Variants in MCPH1 observed in about 807,000 individuals in gnomAD.
The protein encoded by MCPH1 is microcephalin.
A neutral mutation model predicts 84.5 loss-of-function variants in MCPH1; 104 were observed. That is an observed-to-expected ratio of 1.23 (90% CI 1.05 to 1.45). The LOEUF is 1.45. Ranked by LOEUF, MCPH1 falls within the 40% of genes most tolerant of loss-of-function variation. The probability of loss-of-function intolerance (pLI) is 0.00; values close to 1 mark genes in which losing one functional copy is unlikely to be tolerated. For missense variants in MCPH1, 1,498 were observed against 1,005.7 expected (o/e 1.49, Z -6.62); for synonymous variants, 514 against 366.8 (o/e 1.40, Z -4.58).
At chr8:6,607,575 T>G (rs938623150) in intron 12 of MCPH1, among the ~76,000 whole-genome samples, 3 of 152,152 alleles carry the variant, frequency 2.0e-5, no homozygotes, top group Non-Finnish European at 4.4e-5. Flanking sequence ...TACTCAAATC[T>G]CATCTTGAAT....
chr8:6,504,317 CA>C (rs35379672), intron 12 of MCPH1, among the ~76,000 whole-genome samples: 8,392 of 85,588 alleles, frequency 0.098, 366 homozygotes, highest in African/African-American at 0.24. Context: ...GACTCCAGCT[CA>C]AAAAAAAAAA....
intron 3 of MCPH1, among the ~76,000 whole-genome samples, chr8:6,421,676 G>T (rs1487358093): frequency 1.3e-5 from 2 of 152,158 alleles, no homozygotes; most frequent in Admixed American, 6.5e-5. Context: ...GGCTGCCTCT[G>T]TACTACAGCT....
intron 12 of MCPH1, among the ~76,000 whole-genome samples, chr8:6,529,248 A>G (rs1052683991): frequency 1.3e-5 from 2 of 152,148 alleles, no homozygotes; most frequent in Admixed American, 6.6e-5. Flanking sequence ...TCCCTTTAAG[A>G]TATGAGACCT....
rs550601095 is a variant in MCPH1, at chr8:6,647,585, A to C, written c.*4536A>C. 6.6e-6 allele frequency: 1 copy of C among 152,260 alleles called. No individual in the cohort carries two copies. The highest frequency in any genetic ancestry group is 1.5e-5 in the Non-Finnish European group (1 of 68,044). The allele number at this position is 152,260 out of a possible 1,614,324, so 9.4% of individuals were successfully genotyped here. A position where few individuals can be genotyped will look rare whatever the true frequency, so the allele number is the denominator to read the frequency against. The stretch of plus-strand genomic sequence containing the variant: ...TGGAACGCTACTCAGCAAACTTCTA[A>C]AAAGCAACAAACTACTAAACACGTG... On this transcript the variant is annotated 3_prime_UTR_variant, in exon 14 of 14. Transcript: ENST00000344683.
chr8:6,435,819 C>G (rs1267072429), intron 4 of MCPH1, among the ~76,000 whole-genome samples: 2 of 152,146 alleles, frequency 1.3e-5, no homozygotes, highest in Non-Finnish European at 2.9e-5. Context: ...AAATGTCTCA[C>G]AAAGCATAAT....
At chr8:6,451,488 G>T (rs1034089620) in intron 8 of MCPH1, among the ~76,000 whole-genome samples, 10 of 152,156 alleles carry the variant, frequency 6.6e-5, no homozygotes, top group Non-Finnish European at 1.3e-4. Flanking sequence ...CTTTCAGTGG[G>T]AATTAAAATT....
At position 6,439,034 on chromosome 8, in the gene MCPH1, A is replaced by G. The variant is rs748855185; in HGVS notation, c.518A>G (p.His173Arg). 7 of 1,613,222 alleles carry G rather than the reference A, an allele frequency of 4.3e-6. No individual in the cohort carries two copies. The highest frequency in any genetic ancestry group is 5.9e-6 in the Non-Finnish European group (7 of 1,179,480). Residue 173 changes from histidine (H) to arginine (R), a missense_variant, in exon 6 of 14, where the codon CAC becomes CGC. Coordinates refer to ENST00000344683, the MANE Select transcript of MCPH1 (RefSeq NM_024596.5). ...ACAATTGAAATTAATAGTAGGCACC[A>G]CAGCGCAATGGAGAAGAGATTACAA... ...TPTIEINSRH[H>R]SAMEKRLQEM...
At chr8:6,407,838 A>G (rs1797963453) in intron 1 of MCPH1, among the ~76,000 whole-genome samples, 1 of 152,184 alleles carries the variant, frequency 6.6e-6, no homozygotes, top group African/African-American at 2.4e-5. Flanking sequence ...CTGTTTTTGT[A>G]AGGGTCTACG....
Position 6,491,991 on chromosome 8 carries a change from C to G in MCPH1, c.2137-7861C>G, listed in dbSNP as rs187645158. On this transcript the variant is annotated intron_variant, in intron 11 of 13. Transcript: ENST00000344683. ...ATTTATAGTCCTTTGGGTATATACCCAGTAATGGGATGGCTGGATCAAATG... is the reference window on the plus strand; with the variant it reads ...ATTTATAGTCCTTTGGGTATATACCGAGTAATGGGATGGCTGGATCAAATG... Among the ~76,000 whole-genome samples the G allele has an allele frequency of 9.0e-4, 137 of 152,266 alleles. 1 individual carries two copies. The highest frequency in any genetic ancestry group is 3.2e-3 in the African/African-American group (135 of 41,558).
chr8:6,514,438 C>G (rs1035004423), intron 12 of MCPH1, among the ~76,000 whole-genome samples: 2 of 152,162 alleles, frequency 1.3e-5, no homozygotes, highest in Admixed American at 6.5e-5. Context: ...ATCCATCTGC[C>G]TCGGCCTCCC....
chr8:6,470,260 G>C (rs1434366386), intron 9 of MCPH1, among the ~76,000 whole-genome samples: 1 of 152,054 alleles, frequency 6.6e-6, no homozygotes, highest in Non-Finnish European at 1.5e-5. Flanking sequence ...TCATTTCTGA[G>C]ATCCTCATAC....
At chr8:6,528,524 T>A (rs1818810118) in intron 12 of MCPH1, among the ~76,000 whole-genome samples, 1 of 152,212 alleles carries the variant, frequency 6.6e-6, no homozygotes, top group African/African-American at 2.4e-5. Flanking sequence ...TCCTTCCTGT[T>A]TTAAAACTTG....
intron 9 of MCPH1, among the ~76,000 whole-genome samples, chr8:6,468,540 A>T (rs1257430581): frequency 6.6e-6 from 1 of 152,154 alleles, no homozygotes; most frequent in Non-Finnish European, 1.5e-5. Context: ...TTAGTGTTAG[A>T]TACCGAGTTT....
intron 2 of MCPH1, among the ~76,000 whole-genome samples, chr8:6,411,082 T>C (rs1798471134): frequency 1.3e-5 from 2 of 152,028 alleles, no homozygotes; most frequent in Non-Finnish European, 2.9e-5. Context: ...GGAGTAAGAT[T>C]CTGTCTCCAA....
chr8:6,462,998 A>C lies in MCPH1; in HGVS notation c.1935+7746A>C, dbSNP rs1211748215. Among the ~76,000 whole-genome samples, 3 of 152,212 alleles carry C rather than the reference A, an allele frequency of 2.0e-5. No homozygotes were observed. In the South Asian group the frequency reaches 6.2e-4, roughly 32 times the overall value. On this transcript the variant is annotated intron_variant, in intron 9 of 13. Transcript: ENST00000344683. The stretch of plus-strand genomic sequence containing the variant: ...TGTGTCTTTAATGAAAATGACCCTC[A>C]AAACTCTGGGACAGTCCACACTGTG...
intron 9 of MCPH1, among the ~76,000 whole-genome samples, chr8:6,473,226 C>A (rs535817967): frequency 6.8e-6 from 1 of 147,570 alleles, no homozygotes; most frequent in African/African-American, 2.5e-5. Flanking sequence ...TGCATTTTTT[C>A]TGTAATAAAC....
chr8:6,449,974 G>A (rs1370583814), intron 8 of MCPH1, among the ~76,000 whole-genome samples: 1 of 142,282 alleles, frequency 7.0e-6, no homozygotes, highest in Non-Finnish European at 1.5e-5. Context: ...TAGGTGCCGT[G>A]TGTTCACTAG....
chr8:6,566,062 C>T (rs76054991), intron 12 of MCPH1, among the ~76,000 whole-genome samples: 2,279 of 152,058 alleles, frequency 0.015, 25 homozygotes, highest in African/African-American at 0.03. Context: ...AAAGGTAATG[C>T]GGTGCAAAGC....
chr8:6,639,004 C>A (rs1463876677), intron 13 of MCPH1, among the ~76,000 whole-genome samples: 1 of 152,172 alleles, frequency 6.6e-6, no homozygotes, highest in Non-Finnish European at 1.5e-5. Flanking sequence ...GGCAGCATGT[C>A]CTAGAGCAGG....
Sources: gnomAD v4.1 joint callset for allele counts (sites outside exome capture counted in the v4.1 genomes callset) on GRCh38, gnomAD v4.1.1 for gene constraint, MANE v1.5 for transcripts, NCBI Gene and HGNC (gene_info 2026-07-23, HGNC 2026-07-21) for gene names.